Variants in CSTPP1 observed in about 807,000 individuals in gnomAD.
CSTPP1 encodes UPF0705 protein C11orf49.
chr11:47,137,117 C>G, the CSTPP1 span, among the ~76,000 whole-genome samples: 1 of 152,208 alleles, frequency 6.6e-6, no homozygotes, highest in Non-Finnish European at 1.5e-5. Flanking sequence ...AAGAAGCCAG[C>G]CTGCTGCAGT....
chr11:47,038,163 C>G, the CSTPP1 span, among the ~76,000 whole-genome samples: 3 of 77,090 alleles, frequency 3.9e-5, no homozygotes, highest in African/African-American at 1.0e-4. Flanking sequence ...CGGACCCCCC[C>G]ACCTCCCTCC....
chr11:47,149,546 G>A, the CSTPP1 span, among the ~76,000 whole-genome samples: 1 of 152,214 alleles, frequency 6.6e-6, no homozygotes, highest in East Asian at 1.9e-4. Context: ...GGCAAAGACA[G>A]ACCAGGAGCT....
chr11:46,974,052 C>T, the CSTPP1 span, among the ~76,000 whole-genome samples: 69 of 152,092 alleles, frequency 4.5e-4, no homozygotes, highest in African/African-American at 1.5e-3. Flanking sequence ...TAGCAAGACC[C>T]TGTCTCTACC....
chr11:47,031,696 CT>C, the CSTPP1 span, among the ~76,000 whole-genome samples: 4,157 of 136,002 alleles, frequency 0.031, 59 homozygotes, highest in Non-Finnish European at 0.035. Context: ...AACCCCATCT[CT>C]TTTTTTTTTT....
the CSTPP1 span, among the ~76,000 whole-genome samples, chr11:47,115,976 C>T: frequency 3.3e-5 from 5 of 152,322 alleles, no homozygotes; most frequent in African/African-American, 1.2e-4. Context: ...TTTCCCTCTA[C>T]ACACTGCTTT....
At chr11:47,027,568 G>C in the CSTPP1 span, among the ~76,000 whole-genome samples, 2 of 152,246 alleles carry the variant, frequency 1.3e-5, no homozygotes, top group African/African-American at 2.4e-5. Context: ...AGTGATCAAG[G>C]AAAGAAACTA....
chr11:46,988,451 A>G, the CSTPP1 span, among the ~76,000 whole-genome samples: 1 of 152,200 alleles, frequency 6.6e-6, no homozygotes, highest in East Asian at 1.9e-4. Flanking sequence ...TAAGTGAAAT[A>G]AGCCAGGCAC....
chr11:47,044,565 G>C, the CSTPP1 span, among the ~76,000 whole-genome samples: 33 of 152,228 alleles, frequency 2.2e-4, no homozygotes, highest in Admixed American at 5.9e-4. Flanking sequence ...GCATTAAAAA[G>C]CTACAATGTA....
At chr11:47,072,269 C>T in the CSTPP1 span, among the ~76,000 whole-genome samples, 9 of 152,160 alleles carry the variant, frequency 5.9e-5, no homozygotes, top group Admixed American at 4.6e-4. Context: ...ATTTGAAAAA[C>T]GGTCTGGAAA....
At chr11:47,164,195 A>T in the CSTPP1 span, 5 of 1,613,732 alleles carry the variant, frequency 3.1e-6, no homozygotes, top group African/African-American at 2.7e-5. Flanking sequence ...CCCTGGAGAG[A>T]GTGTCCTCAG....
the CSTPP1 span, among the ~76,000 whole-genome samples, chr11:46,937,883 CGTTTTGTTTT>C: frequency 4.0e-5 from 6 of 151,382 alleles, no homozygotes; most frequent in African/African-American, 1.2e-4. Flanking sequence ...TTTTTAAAGA[CGTTTTGTTTT>C]GTTTTGTTTT....
At chr11:47,154,728 C>A in the CSTPP1 span, among the ~76,000 whole-genome samples, 2 of 152,204 alleles carry the variant, frequency 1.3e-5, no homozygotes, top group Admixed American at 1.3e-4. Flanking sequence ...CTTTAAACCC[C>A]TTAGCTGTTC....
chr11:47,085,682 G>A, the CSTPP1 span, among the ~76,000 whole-genome samples: 7 of 152,026 alleles, frequency 4.6e-5, no homozygotes, highest in Non-Finnish European at 1.0e-4. Flanking sequence ...CTGAGGTCAG[G>A]AGTTCGAGAC....
chr11:47,019,703 G>T, the CSTPP1 span, among the ~76,000 whole-genome samples: 1 of 152,140 alleles, frequency 6.6e-6, no homozygotes, highest in African/African-American at 2.4e-5. Context: ...AAAGATCAGT[G>T]ATCACAGACC....
chr11:46,955,626 G>A, the CSTPP1 span, among the ~76,000 whole-genome samples: 2 of 151,176 alleles, frequency 1.3e-5, no homozygotes, highest in South Asian at 2.1e-4. Context: ...GCCTTCCAAA[G>A]TGCTGGGACT....
chr11:47,142,125 C>A, the CSTPP1 span, among the ~76,000 whole-genome samples: 2 of 151,638 alleles, frequency 1.3e-5, no homozygotes, highest in East Asian at 3.9e-4. Flanking sequence ...CGCCAGTAGT[C>A]CCAGCTACTT....
the CSTPP1 span, among the ~76,000 whole-genome samples, chr11:47,010,499 C>T: frequency 5.9e-5 from 9 of 152,284 alleles, no homozygotes; most frequent in African/African-American, 2.2e-4. Context: ...GATGCTCAGC[C>T]TCCAAAGCTC....
At chr11:46,945,625 T>A in the CSTPP1 span, among the ~76,000 whole-genome samples, 1 of 151,802 alleles carries the variant, frequency 6.6e-6, no homozygotes, top group African/African-American at 2.4e-5. Context: ...AAAATAATAA[T>A]AATAAATAAA....
the CSTPP1 span, among the ~76,000 whole-genome samples, chr11:46,993,009 GTGTC>G: frequency 6.6e-6 from 1 of 152,154 alleles, no homozygotes; most frequent in Non-Finnish European, 1.5e-5. Context: ...ATTTTTTCAT[GTGTC>G]TGTTGGCTGC....
Sources: gnomAD v4.1 joint callset for allele counts (sites outside exome capture counted in the v4.1 genomes callset) on GRCh38, gnomAD v4.1.1 for gene constraint, MANE v1.5 for transcripts, NCBI Gene and HGNC (gene_info 2026-07-23, HGNC 2026-07-21) for gene names.